The following DIAPH2 variants were observed in gnomAD, a reference collection of about 807,000 sequenced individuals.
DIAPH2 encodes the protein protein diaphanous homolog 2.
DIAPH2 carries 35 observed loss-of-function variants against 92.7 expected under a neutral mutation model. That is an observed-to-expected ratio of 0.38 (90% CI 0.29 to 0.50). The LOEUF (loss-of-function observed/expected upper bound fraction) is 0.50. DIAPH2 is among the 20% of genes least tolerant of loss of function. The pLI is 0.94. For synonymous variants in DIAPH2, 301 were observed against 280.4 expected (o/e 1.07, Z -0.73); for missense variants, 701 against 819.5 (o/e 0.86, Z 1.77).
intron 23 of DIAPH2, among the ~76,000 whole-genome samples, chrX:97,344,017 T>G (rs2069135832): frequency 8.9e-6 from 1 of 111,827 alleles, no homozygotes; most frequent in African/African-American, 3.2e-5. Context: ...TTGCTCTGCC[T>G]TTTTGAAAAG....
Position 96,883,531 on chromosome X carries a change from C to T in DIAPH2, c.587+1813C>T, listed in dbSNP as rs189842675. 8.3e-4 allele frequency among the ~76,000 whole-genome samples: 91 copies of T among 109,703 alleles called. 1 individual carries two copies. The East Asian group carries it at 0.025, about 30-fold the overall frequency. On this transcript the variant is annotated intron_variant, in intron 5 of 26. Coordinates refer to ENST00000324765, the MANE Select transcript of DIAPH2 (RefSeq NM_006729.5). The stretch of plus-strand genomic sequence containing the variant: ...GAGTAGCTGGGATTACAAGCCTGCA[C>T]CACCACGCCTGGCTAATTTTAGTAT...
intron 23 of DIAPH2, among the ~76,000 whole-genome samples, chrX:97,259,475 G>A (rs1459142906): frequency 8.9e-6 from 1 of 112,017 alleles, no homozygotes. Context: ...TATTTGGTGG[G>A]TTATAAATTG....
At chrX:96,876,190 C>A (rs1602586273) in intron 4 of DIAPH2, among the ~76,000 whole-genome samples, 1 of 111,620 alleles carries the variant, frequency 9.0e-6, no homozygotes, top group African/African-American at 3.3e-5. Context: ...CAGAGAAATG[C>A]AAATCAAAAC....
chrX:96,937,895 G>T (rs754403279), intron 11 of DIAPH2, among the ~76,000 whole-genome samples: 2 of 111,628 alleles, frequency 1.8e-5, no homozygotes, highest in East Asian at 5.6e-4. Flanking sequence ...ACCTTCCGAC[G>T]GCAGCAATTT....
chrX:97,218,918 T>G (rs1374174834), intron 22 of DIAPH2, among the ~76,000 whole-genome samples: 1 of 112,107 alleles, frequency 8.9e-6, no homozygotes, highest in Non-Finnish European at 1.9e-5. Flanking sequence ...TCCATGGATA[T>G]GGAACCCATG....
At chrX:97,080,068 ACTGT>A (rs1390630798) in intron 19 of DIAPH2, among the ~76,000 whole-genome samples, 4 of 110,913 alleles carry the variant, frequency 3.6e-5, no homozygotes, top group Non-Finnish European at 5.7e-5. Context: ...TGGGCATGCA[ACTGT>A]CTGGTGTCCT....
intron 1 of DIAPH2, among the ~76,000 whole-genome samples, chrX:96,717,573 T>A: frequency 9.6e-6 from 1 of 104,097 alleles, no homozygotes; most frequent in Admixed American, 1.1e-4. Context: ...CTTTGCCTGA[T>A]ATTAATACAG....
chrX:97,304,900 A>G (rs979726784), intron 23 of DIAPH2, among the ~76,000 whole-genome samples: 1 of 111,985 alleles, frequency 8.9e-6, no homozygotes, highest in African/African-American at 3.2e-5. Flanking sequence ...ACCTATAGTT[A>G]TATTTATTTT....
At chrX:97,503,581 A>C (rs1194202335) in intron 26 of DIAPH2, among the ~76,000 whole-genome samples, 3 of 112,146 alleles carry the variant, frequency 2.7e-5, no homozygotes, top group Non-Finnish European at 5.6e-5. Flanking sequence ...TTTCAAGTGG[A>C]GATAACCTCA....
intron 22 of DIAPH2, among the ~76,000 whole-genome samples, chrX:97,144,285 T>C (rs4827851): frequency 0.44 from 48,500 of 109,893 alleles, 7,950 homozygotes; most frequent in Non-Finnish European, 0.52. Flanking sequence ...GATCACACCA[T>C]TGCACTCTAG....
chrX:96,884,295 C>T (rs1172712351), intron 5 of DIAPH2: 13 of 1,196,982 alleles, frequency 1.1e-5, no homozygotes, highest in Non-Finnish European at 1.5e-5. Context: ...TCTCCTCAGC[C>T]TGAGCTGTCT....
intron 1 of DIAPH2, among the ~76,000 whole-genome samples, chrX:96,733,591 G>C (rs766721829): frequency 8.9e-6 from 1 of 111,838 alleles, no homozygotes; most frequent in Non-Finnish European, 1.9e-5. Flanking sequence ...CCCTTGGAAA[G>C]TGTTGAGCCA....
chrX:96,905,518 C>G (rs749087813), intron 5 of DIAPH2, among the ~76,000 whole-genome samples: 23 of 110,890 alleles, frequency 2.1e-4, no homozygotes, highest in Non-Finnish European at 4.0e-4. Flanking sequence ...AGGGGAGAAT[C>G]TTGCTTTCTC....
chrX:96,750,840 G>A (rs2064182267), intron 3 of DIAPH2, among the ~76,000 whole-genome samples: 1 of 112,484 alleles, frequency 8.9e-6, no homozygotes, highest in Admixed American at 9.4e-5. Flanking sequence ...GTCAGTATTT[G>A]CTGACAAAGA....
intron 23 of DIAPH2, among the ~76,000 whole-genome samples, chrX:97,268,530 A>C (rs1057095269): frequency 2.7e-5 from 3 of 112,390 alleles, no homozygotes; most frequent in Non-Finnish European, 3.7e-5. Context: ...CCTGCAGTCT[A>C]ATGTAACTTC....
At chrX:96,776,564 T>C (rs2064379165) in intron 4 of DIAPH2, among the ~76,000 whole-genome samples, 1 of 108,385 alleles carries the variant, frequency 9.2e-6, no homozygotes, top group African/African-American at 3.3e-5. Context: ...ATATACTGTA[T>C]AAATATTATT....
intron 26 of DIAPH2, among the ~76,000 whole-genome samples, chrX:97,511,459 G>A (rs1049650540): frequency 7.5e-5 from 8 of 106,570 alleles, no homozygotes; most frequent in African/African-American, 2.8e-4. Flanking sequence ...TGCAAACAGG[G>A]ACAACTTGAC....
At chrX:96,833,360 A>G (rs1039041945) in intron 4 of DIAPH2, among the ~76,000 whole-genome samples, 1 of 111,503 alleles carries the variant, frequency 9.0e-6, no homozygotes, top group Non-Finnish European at 1.9e-5. Flanking sequence ...TTAAATATTT[A>G]TTTTTAATTA....
At chrX:96,882,111 C>T (rs1303775894) in intron 5 of DIAPH2, among the ~76,000 whole-genome samples, 3 of 109,039 alleles carry the variant, frequency 2.8e-5, no homozygotes, top group African/African-American at 6.7e-5. Flanking sequence ...AGTGCAGTGG[C>T]ACGATCTTGG....
Sources: gnomAD v4.1 joint callset for allele counts (sites outside exome capture counted in the v4.1 genomes callset) on GRCh38, gnomAD v4.1.1 for gene constraint, MANE v1.5 for transcripts, NCBI Gene and HGNC (gene_info 2026-07-23, HGNC 2026-07-21) for gene names.